Variants in GDPD5 observed in about 807,000 individuals in gnomAD.
The protein encoded by GDPD5 is glycerophosphodiester phosphodiesterase 2.
GDPD5 carries 48 observed loss-of-function variants against 75.1 expected under a neutral mutation model. The observed-to-expected ratio is 0.64, with a 90% confidence interval of 0.51 to 0.81. The LOEUF (loss-of-function observed/expected upper bound fraction) is 0.81. Among genes scored for constraint, GDPD5 ranks in the 40% least tolerant of loss-of-function variants. The pLI is 0.00. For missense variants in GDPD5, 706 were observed against 822.6 expected (o/e 0.86, Z 1.73); for synonymous variants, 336 against 339.0 (o/e 0.99, Z 0.10).
At chr11:75,439,762 G>T in intron 15 of GDPD5, 117 bp downstream of exon 15, 1 of 827,318 alleles carries the variant, frequency 1.2e-6, no homozygotes, top group Non-Finnish European at 2.1e-6. Flanking sequence ...CTTCTTCCCT[G>T]GTCAGGCCTG....
intron 3 of GDPD5, among the ~76,000 whole-genome samples, chr11:75,463,871 T>G (rs1041685935): frequency 3.9e-5 from 6 of 152,234 alleles, no homozygotes; most frequent in Non-Finnish European, 2.9e-5. Flanking sequence ...CTGGGCTTGT[T>G]CCCTGAACAT....
At chr11:75,448,941 C>A in intron 9 of GDPD5, 36 bp downstream of exon 9, 1 of 1,527,612 alleles carries the variant, frequency 6.5e-7, no homozygotes, top group East Asian at 2.5e-5. Context: ...GCACCCCACC[C>A]CAACGGGGCT....
intron 9 of GDPD5, among the ~76,000 whole-genome samples, chr11:75,447,622 A>G (rs1267234985): frequency 6.6e-6 from 1 of 152,162 alleles, no homozygotes; most frequent in East Asian, 1.9e-4. Context: ...ACCTTTTTCT[A>G]CTAAAGAAAA....
chr11:75,502,319 A>G (rs1431210000), intron 1 of GDPD5, among the ~76,000 whole-genome samples: 1 of 152,210 alleles, frequency 6.6e-6, no homozygotes, highest in Non-Finnish European at 1.5e-5. Context: ...GTGAACTCCT[A>G]TAGATCCCTC....
intron 1 of GDPD5, among the ~76,000 whole-genome samples, chr11:75,510,143 C>T (rs1173354303): frequency 3.9e-5 from 6 of 152,250 alleles, no homozygotes; most frequent in African/African-American, 1.4e-4. Context: ...AGTTCCCTGG[C>T]AGCGGGAGGG....
chr11:75,517,854 G>A (rs1044686640), intron 1 of GDPD5, among the ~76,000 whole-genome samples: 1 of 152,158 alleles, frequency 6.6e-6, no homozygotes, highest in African/African-American at 2.4e-5. Context: ...AGGTGGGACA[G>A]GGGCCCCAAG....
intron 1 of GDPD5, among the ~76,000 whole-genome samples, chr11:75,511,597 G>A (rs1424319569): frequency 6.6e-6 from 1 of 152,170 alleles, no homozygotes; most frequent in African/African-American, 2.4e-5. Flanking sequence ...GGACTAGATA[G>A]TGCGCCTGGG....
At position 75,477,740 on chromosome 11, in the gene GDPD5, G is replaced by T; in HGVS notation, c.-5C>A. On this transcript the variant is annotated 5_prime_UTR_variant, in exon 3 of 17. Transcript: ENST00000336898. Reference sequence around the variant, plus strand: ...CAGGGGCTGGTGTCTCACCATACTCGTGCCCACGGCCCTGGCGCCTGGCCC... The same window carrying T: ...CAGGGGCTGGTGTCTCACCATACTCTTGCCCACGGCCCTGGCGCCTGGCCC... 6.4e-7 allele frequency: 1 copy of T among 1,555,846 alleles called. No individual in the cohort carries two copies.
At chr11:75,525,046 G>A (rs1468758986) in intron 1 of GDPD5, among the ~76,000 whole-genome samples, 164 bp downstream of exon 1, 1 of 152,166 alleles carries the variant, frequency 6.6e-6, no homozygotes, top group Non-Finnish European at 1.5e-5. Flanking sequence ...CGCACACAAT[G>A]GGCGCTCAAT....
chr11:75,458,673 A>AAAATAAATAAATAAAC (rs1949345023), intron 4 of GDPD5, among the ~76,000 whole-genome samples: 1 of 147,324 alleles, frequency 6.8e-6, no homozygotes, highest in South Asian at 2.2e-4. Flanking sequence ...CTCTGTCTCA[A>AAAATAAATAAATAAAC]AAATAAATAA....
At chr11:75,462,113 G>A (rs1233984067) in intron 4 of GDPD5, among the ~76,000 whole-genome samples, 1 of 152,064 alleles carries the variant, frequency 6.6e-6, no homozygotes, top group African/African-American at 2.4e-5. Context: ...TAGGATCCAG[G>A]GCTATCTCCT....
chr11:75,441,028 A>C, intron 14 of GDPD5, 135 bp downstream of exon 14: 2 of 825,126 alleles, frequency 2.4e-6, no homozygotes, highest in Non-Finnish European at 3.9e-6. Flanking sequence ...TCAAGCCTGC[A>C]CGCCCACCAT....
At chr11:75,524,978 C>T (rs943487226) in intron 1 of GDPD5, among the ~76,000 whole-genome samples, 35 of 152,254 alleles carry the variant, frequency 2.3e-4, no homozygotes, top group African/African-American at 8.2e-4. Flanking sequence ...ATACACAACA[C>T]CTATTTCAGG....
At chr11:75,479,377 G>A (rs564694459) in intron 2 of GDPD5, 2 of 152,304 alleles carry the variant, frequency 1.3e-5, no homozygotes, top group East Asian at 3.9e-4. Context: ...CGAGGCCCTG[G>A]AGACAATGTG....
intron 15 of GDPD5, 148 bp downstream of exon 15, chr11:75,439,731 A>T: frequency 2.9e-6 from 2 of 678,206 alleles, no homozygotes; most frequent in Non-Finnish European, 5.2e-6. Context: ...CTGAGGGAGG[A>T]TGGGGCCACC....
chr11:75,458,014 T>C (rs1410303229), intron 4 of GDPD5, among the ~76,000 whole-genome samples: 1 of 152,204 alleles, frequency 6.6e-6, no homozygotes, highest in Non-Finnish European at 1.5e-5. Flanking sequence ...CATAATCCTA[T>C]TGGCCAGAAG....
At chr11:75,516,347 T>TCAACACG (rs1293096486) in intron 1 of GDPD5, among the ~76,000 whole-genome samples, 1 of 152,188 alleles carries the variant, frequency 6.6e-6, no homozygotes, top group East Asian at 1.9e-4. Context: ...CACTATCCCG[T>TCAACACG]GTTGATTTGT....
In GDPD5 at chr11:75,491,871, A is replaced by T. The variant is rs141559134; in HGVS notation, c.-144-1551T>A. ...CGGCAGAGCCAGAATTCAAGCTCAA[A>T]CCTACAAGTGGCACAAAATGTCACA... On this transcript the variant is annotated intron_variant, in intron 1 of 16. Coordinates refer to ENST00000336898, the MANE Select transcript of GDPD5 (RefSeq NM_030792.8). Among the ~76,000 whole-genome samples the T allele has an allele frequency of 4.6e-5, 7 of 152,278 alleles. No homozygotes were observed. In the East Asian group the frequency reaches 1.4e-3, roughly 29 times the overall value.
intron 3 of GDPD5, 63 bp from the exon 4 acceptor site, chr11:75,462,952 AC>A: frequency 7.5e-7 from 1 of 1,328,550 alleles, no homozygotes; most frequent in Non-Finnish European, 1.1e-6. Context: ...GCTGCCTCCC[AC>A]CAGAATGTGT....
Sources: allele counts gnomAD v4.1 joint callset (sites outside exome capture counted in the v4.1 genomes callset), GRCh38; gene constraint gnomAD v4.1.1; transcripts MANE v1.5; gene names NCBI Gene and HGNC (gene_info 2026-07-23, HGNC 2026-07-21).